The following CHAF1A variants were observed in gnomAD, a reference collection of about 807,000 sequenced individuals.
CHAF1A encodes the protein chromatin assembly factor 1 subunit A, also known as CAF-1 subunit A.
Under a neutral mutation model 93.2 loss-of-function variants are expected in CHAF1A, and 5 were observed. The observed-to-expected ratio is 0.05, with a 90% CI of 0.03 to 0.11. The LOEUF is 0.11. CHAF1A is among the 10% of genes least tolerant of loss of function. The probability of loss-of-function intolerance (pLI) is 1.00; values close to 1 mark genes in which losing one functional copy is unlikely to be tolerated. For missense variants in CHAF1A, 1,102 were observed against 1,259.9 expected (o/e 0.87, Z 1.90); for synonymous variants, 504 against 510.3 (o/e 0.99, Z 0.17).
At chr19:4,440,729 C>T (rs940598804) in intron 13 of CHAF1A, among the ~76,000 whole-genome samples, 5 of 151,584 alleles carry the variant, frequency 3.3e-5, no homozygotes, top group African/African-American at 1.2e-4. Flanking sequence ...GTACATAGCC[C>T]AGGGCTCCTG....
At chr19:4,408,461 CTTT>C (rs778100682) in intron 2 of CHAF1A, among the ~76,000 whole-genome samples, 20 of 36,012 alleles carry the variant, frequency 5.6e-4, no homozygotes, top group African/African-American at 2.0e-3. Flanking sequence ...CGCACCCGGC[CTTT>C]TTTTTTTTTT....
downstream of CHAF1A, chr19:4,446,801 C>T (rs1568189006): frequency 1.2e-6 from 2 of 1,613,892 alleles, no homozygotes; most frequent in Non-Finnish European, 1.7e-6. Context: ...GCCCCTCGTC[C>T]CCATTCCCTA....
downstream of CHAF1A, chr19:4,448,375 ATCT>A (rs753495583): frequency 5.0e-6 from 8 of 1,610,512 alleles, no homozygotes; most frequent in South Asian, 7.7e-5. Flanking sequence ...GAACGTGTAG[ATCT>A]TCATGATGGA....
In CHAF1A at chr19:4,409,541, G is replaced by A. The variant is rs746273374; in HGVS notation, c.742G>A (p.Val248Met). ...GGTGGTCTTGCAGGACATCTTGGCT[G>A]TGAGACCACCGCAAATCAAGTCCCT... ...PMVVLQDILA[V>M]RPPQIKSLPA... Residue 248 changes from valine (V) to methionine (M), a missense_variant, in exon 3 of 15, where the codon GTG (valine) becomes ATG (methionine). Around this residue, in one of 6 missense-constraint regions of CHAF1A, gnomAD observed 379 missense variants for 365.7 expected, o/e 1.04. Transcript: ENST00000301280. 23 of 1,613,972 alleles carry A rather than the reference G, an allele frequency of 1.4e-5. No homozygotes were observed. Among genetic ancestry groups the A allele is most frequent in the South Asian group, 3.3e-5 (3 of 91,076 alleles).
intron 7 of CHAF1A, 89 bp downstream of exon 7, chr19:4,423,963 C>G (rs1490787208): frequency 3.1e-6 from 4 of 1,280,930 alleles, no homozygotes; most frequent in Admixed American, 1.8e-5. Flanking sequence ...CAGCCAGCTT[C>G]TCTCATTAGG....
chr19:4,444,753 G>A (rs1202069669), downstream of CHAF1A: 4 of 152,346 alleles, frequency 2.6e-5, no homozygotes. Context: ...CCACAGGGAA[G>A]CCAGGCCTGT....
chr19:4,436,416 C>T (rs562045872), intron 13 of CHAF1A, among the ~76,000 whole-genome samples: 44 of 152,288 alleles, frequency 2.9e-4, no homozygotes, highest in East Asian at 7.7e-4. Context: ...GGCGGCTTGG[C>T]GCCGTGGGAA....
chr19:4,439,141 A>G (rs1974340632), intron 13 of CHAF1A, among the ~76,000 whole-genome samples: 1 of 150,580 alleles, frequency 6.6e-6, no homozygotes, highest in Non-Finnish European at 1.5e-5. Flanking sequence ...TTAGCTGAGC[A>G]TGGTGGTGCA....
chr19:4,407,124 C>G lies in CHAF1A; in HGVS notation c.103+1162C>G, dbSNP rs547223435. On this transcript the variant is annotated intron_variant, in intron 2 of 14. Coordinates refer to ENST00000301280, the MANE Select transcript of CHAF1A (RefSeq NM_005483.3). Reference sequence around the variant, plus strand: ...GTCCCAGCTACTCAGGAGGCCGAGGCAAGAGAATTGTTTGAACCCGGAAGG... The same window carrying G: ...GTCCCAGCTACTCAGGAGGCCGAGGGAAGAGAATTGTTTGAACCCGGAAGG... Among the ~76,000 whole-genome samples, 10 of 151,790 alleles carry G rather than the reference C, an allele frequency of 6.6e-5. No homozygotes were observed. The South Asian group carries it at 2.1e-3, about 32-fold the overall frequency.
chr19:4,417,753 G>A (rs1271303403), intron 3 of CHAF1A, among the ~76,000 whole-genome samples: 1 of 152,124 alleles, frequency 6.6e-6, no homozygotes, highest in Non-Finnish European at 1.5e-5. Context: ...TAGCCACCGC[G>A]CCCAGCCTTG....
At position 4,433,644 on chromosome 19, in the gene CHAF1A, A is replaced by G; in HGVS notation, c.2673+105A>G. 1.1e-6 allele frequency: 1 copy of G among 924,272 alleles called. No homozygotes were observed. Among genetic ancestry groups the G allele is most frequent in the Non-Finnish European group, 1.6e-6 (1 of 624,004 alleles). The allele number at this position is 924,272 out of a possible 1,614,324, so 57.3% of individuals were successfully genotyped here. Reference sequence around the variant, plus strand: ...GAGATGGAGTCCTGCTCTGTCACCCAGGCTGGAGTGCAGTGGCGCAATCTC... The same window carrying G: ...GAGATGGAGTCCTGCTCTGTCACCCGGGCTGGAGTGCAGTGGCGCAATCTC... On this transcript the variant is annotated intron_variant, in intron 13 of 14. Transcript: ENST00000301280. This position sits in a 1 kb window ranked among gnomAD's most constrained non-coding sequence, Gnocchi z 5.6.
chr19:4,428,934 G>T (rs768505753), intron 8 of CHAF1A, 44 bp downstream of exon 8: 14 of 1,540,424 alleles, frequency 9.1e-6, no homozygotes, highest in South Asian at 1.1e-5. Context: ...AGTGATGCTG[G>T]AGGCCAGCAT....
chr19:4,436,627 G>A (rs1356031218), intron 13 of CHAF1A, among the ~76,000 whole-genome samples: 2 of 152,162 alleles, frequency 1.3e-5, no homozygotes, highest in East Asian at 3.8e-4. Context: ...AGTTTTCCAG[G>A]GCCTTTGCTG....
At chr19:4,448,777 C>T, downstream of CHAF1A, 1 of 259,474 alleles carries the variant, frequency 3.9e-6, no homozygotes, top group Non-Finnish European at 7.6e-6. Flanking sequence ...TACAGAACCT[C>T]CCGCCACCAT....
At chr19:4,402,867 C>A (rs989735157) in intron 1 of CHAF1A, 53 bp downstream of exon 1, 41 of 1,099,744 alleles carry the variant, frequency 3.7e-5, no homozygotes, top group Non-Finnish European at 4.6e-5. Context: ...GCGGCCTGGA[C>A]GGGCCGAGGC....
intron 4 of CHAF1A, among the ~76,000 whole-genome samples, chr19:4,420,684 A>G (rs911258950): frequency 6.6e-6 from 1 of 151,570 alleles, no homozygotes; most frequent in Non-Finnish European, 1.5e-5. Flanking sequence ...GCTCGCCCCC[A>G]TAATCCCACA....
intron 10 of CHAF1A, chr19:4,430,279 G>A (rs1014507643): frequency 1.0e-5 from 4 of 400,408 alleles, no homozygotes; most frequent in African/African-American, 8.2e-5. Flanking sequence ...CCAGGCTCAA[G>A]TGATAGTCCT....
At chr19:4,446,117 CAAA>C (rs1422851630), downstream of CHAF1A, 3 of 1,612,588 alleles carry the variant, frequency 1.9e-6, no homozygotes, top group Non-Finnish European at 1.7e-6. Flanking sequence ...GCCAGCAGCT[CAAA>C]AGGCAGCCAG....
intron 5 of CHAF1A, 56 bp from the exon 6 acceptor site, chr19:4,423,279 G>A (rs1212269816): frequency 1.2e-5 from 19 of 1,611,378 alleles, no homozygotes; most frequent in Non-Finnish European, 1.5e-5. Flanking sequence ...GAGTGCTGCG[G>A]TCCCTTCCAG....
Sources: allele counts gnomAD v4.1 joint callset (sites outside exome capture counted in the v4.1 genomes callset), GRCh38; gene constraint gnomAD v4.1.1; regional missense constraint gnomAD v4.1.1; non-coding constraint Gnocchi (gnomAD v3.1); transcripts MANE v1.5; gene names NCBI Gene and HGNC (gene_info 2026-07-23, HGNC 2026-07-21).